Variants in STPG2 observed in about 807,000 individuals in gnomAD.
STPG2 encodes the protein sperm tail PG-rich repeat containing 2.
A neutral mutation model predicts 54.2 loss-of-function variants in STPG2; 56 were observed. The observed-to-expected ratio is 1.03, with a 90% CI of 0.83 to 1.29. STPG2 has a LOEUF of 1.29. STPG2 is among the 50% of genes most tolerant of loss of function. STPG2 has a pLI of 0.00. For missense variants in STPG2, 596 were observed against 544.9 expected (o/e 1.09, Z -0.93); for synonymous variants, 200 against 181.8 (o/e 1.10, Z -0.81).
chr4:97,794,121 A>T (rs1013352014), intron 9 of STPG2, among the ~76,000 whole-genome samples: 1 of 152,120 alleles, frequency 6.6e-6, no homozygotes. Context: ...ATAAAATAAC[A>T]TTCCCCAAAT....
At chr4:97,912,905 A>C (rs1263177211) in intron 8 of STPG2, among the ~76,000 whole-genome samples, 1 of 152,238 alleles carries the variant, frequency 6.6e-6, no homozygotes, top group Non-Finnish European at 1.5e-5. Context: ...AAATGGAGAC[A>C]TCTAATTGTA....
At chr4:97,500,595 A>G (rs747208791) in intron 4 of STPG2, among the ~76,000 whole-genome samples, 1 of 152,094 alleles carries the variant, frequency 6.6e-6, no homozygotes, top group Non-Finnish European at 1.5e-5. Flanking sequence ...TACAGCTTTA[A>G]TAAGTTAAGA....
rs961725148 is a variant in STPG2, at chr4:97,754,181, T to C, written c.1205-41367A>G. Among the ~76,000 whole-genome samples, 3 of 152,208 alleles carry C rather than the reference T, an allele frequency of 2.0e-5. No individual in the cohort carries two copies. In the South Asian group the frequency reaches 6.2e-4, roughly 32 times the overall value. On this transcript the variant is annotated intron_variant, in intron 9 of 10. Transcript: ENST00000295268. ...CTAGGTTCAATAAACCAAACCAAAA[T>C]GGAGTTTCTCATGCAGAAGTTCCAC...
chr4:97,785,465 T>C (rs574340418), intron 9 of STPG2, among the ~76,000 whole-genome samples: 35 of 152,238 alleles, frequency 2.3e-4, no homozygotes, highest in Middle Eastern at 3.4e-3. Context: ...GCATCTTCTA[T>C]TTCAAATTAT....
At chr4:97,866,626 T>A (rs1304655682) in intron 8 of STPG2, among the ~76,000 whole-genome samples, 2 of 151,974 alleles carry the variant, frequency 1.3e-5, no homozygotes, top group Admixed American at 1.3e-4. Flanking sequence ...TAATTATCCC[T>A]TTTTGGTATG....
intron 9 of STPG2, among the ~76,000 whole-genome samples, chr4:97,741,258 C>A (rs1334782862): frequency 6.6e-6 from 1 of 152,090 alleles, no homozygotes; most frequent in Non-Finnish European, 1.5e-5. Context: ...ACCATAAAAA[C>A]CCTAGAAGAA....
intron 8 of STPG2, among the ~76,000 whole-genome samples, chr4:97,864,343 A>G (rs1481374938): frequency 6.6e-6 from 1 of 152,122 alleles, no homozygotes; most frequent in Non-Finnish European, 1.5e-5. Context: ...ATTCACAATT[A>G]CTTCAAAGAG....
At chr4:97,807,506 AAAAAT>A (rs1560536447) in intron 9 of STPG2, among the ~76,000 whole-genome samples, 1 of 152,024 alleles carries the variant, frequency 6.6e-6, no homozygotes, top group African/African-American at 2.4e-5. Flanking sequence ...TCGTGGAAAT[AAAAAT>A]AAAATAATTA....
intron 8 of STPG2, among the ~76,000 whole-genome samples, chr4:97,941,554 T>G (rs1192208237): frequency 6.6e-6 from 1 of 152,052 alleles, no homozygotes; most frequent in African/African-American, 2.4e-5. Context: ...CCTGGGATGT[T>G]GTAAAAGAAA....
At chr4:97,770,448 T>A (rs761251300) in intron 9 of STPG2, among the ~76,000 whole-genome samples, 35 of 152,054 alleles carry the variant, frequency 2.3e-4, no homozygotes, top group Non-Finnish European at 4.6e-4. Context: ...TAGAGTGCAA[T>A]GAGCAGCGGA....
chr4:97,684,773 G>T lies in STPG2; in HGVS notation c.1320+27926C>A, dbSNP rs145995149. On this transcript the variant is annotated intron_variant, in intron 10 of 10. Transcript: ENST00000295268. ...CTCTTCATTAAAATTAAAAACTTCT[G>T]CTCTGAGAGAAACACTATTAGGAGA... Among the ~76,000 whole-genome samples the T allele has an allele frequency of 8.6e-3, 1,312 of 151,966 alleles. 18 individuals are homozygous for T. Among genetic ancestry groups the T allele is most frequent in the African/African-American group, 0.03 (1,251 of 41,526 alleles).
chr4:97,622,346 T>C (rs530638345), intron 10 of STPG2, among the ~76,000 whole-genome samples: 45 of 152,252 alleles, frequency 3.0e-4, no homozygotes, highest in African/African-American at 1.1e-3. Context: ...CACCCTTGTT[T>C]ACCAATGATA....
At chr4:97,751,771 G>A (rs1462658236) in intron 9 of STPG2, among the ~76,000 whole-genome samples, 1 of 151,672 alleles carries the variant, frequency 6.6e-6, no homozygotes, top group African/African-American at 2.4e-5. Context: ...TTCTCCAGAG[G>A]TCCTCTTCAG....
rs1560719133 is a variant in STPG2, at chr4:97,687,088, T to C, written c.1320+25611A>G. Among the ~76,000 whole-genome samples the C allele has an allele frequency of 2.0e-5, 3 of 151,562 alleles. No individual in the cohort carries two copies. The South Asian group carries it at 6.2e-4, about 32-fold the overall frequency. On this transcript the variant is annotated intron_variant, in intron 10 of 10. Coordinates refer to ENST00000295268, the MANE Select transcript of STPG2 (RefSeq NM_174952.3). ...CCCGAGTAGCTGGGACTACAGGCGC[T>C]GGCCACCACGCCTGGCTAAATTTTT...
At chr4:97,773,653 C>T (rs1222181371) in intron 9 of STPG2, among the ~76,000 whole-genome samples, 1 of 152,072 alleles carries the variant, frequency 6.6e-6, no homozygotes, top group African/African-American at 2.4e-5. Context: ...AAAATAGTCA[C>T]ATTTTATCCT....
intron 10 of STPG2, among the ~76,000 whole-genome samples, chr4:97,590,903 T>C (rs574158496): frequency 4.6e-5 from 7 of 152,236 alleles, no homozygotes; most frequent in Admixed American, 2.0e-4. Context: ...GCTTTCTGGA[T>C]TGACATTAAA....
At chr4:97,941,616 C>T (rs1732988475) in intron 8 of STPG2, among the ~76,000 whole-genome samples, 1 of 151,786 alleles carries the variant, frequency 6.6e-6, no homozygotes, top group Non-Finnish European at 1.5e-5. Context: ...ATTTTTTATG[C>T]AAAGATACAA....
At chr4:97,870,839 C>A (rs564923241) in intron 8 of STPG2, among the ~76,000 whole-genome samples, 2 of 151,112 alleles carry the variant, frequency 1.3e-5, no homozygotes, top group Non-Finnish European at 3.0e-5. Context: ...TTGAACTTTA[C>A]AGCCTGATAC....
intron 10 of STPG2, among the ~76,000 whole-genome samples, chr4:97,644,054 C>T (rs1022324933): frequency 6.6e-6 from 1 of 151,852 alleles, no homozygotes; most frequent in African/African-American, 2.4e-5. Flanking sequence ...TCACCTGCCA[C>T]CTGTCCAGTG....
Sources: gnomAD v4.1 joint callset for allele counts (sites outside exome capture counted in the v4.1 genomes callset) on GRCh38, gnomAD v4.1.1 for gene constraint, MANE v1.5 for transcripts, NCBI Gene and HGNC (gene_info 2026-07-23, HGNC 2026-07-21) for gene names.